Variants in WDR33 observed in about 807,000 individuals in gnomAD.
WDR33 encodes pre-mRNA 3' end processing protein WDR33.
In WDR33, 47 loss-of-function variants were observed where a neutral mutation model predicts 164.9. That is an observed-to-expected ratio of 0.29 (90% CI 0.23 to 0.36). The LOEUF is 0.36. WDR33 is among the 10% of genes least tolerant of loss of function. The probability of loss-of-function intolerance (pLI) is 1.00; values close to 1 mark genes in which losing one functional copy is unlikely to be tolerated. For synonymous variants in WDR33, 505 were observed against 589.0 expected (o/e 0.86, Z 2.06); for missense variants, 1,137 against 1,754.1 (o/e 0.65, Z 6.28).
In WDR33 at chr2:127,763,057, C is replaced by T. The variant is rs1212895206; in HGVS notation, c.724+5G>A. On this transcript the variant is annotated splice_donor_5th_base_variant and intron_variant, in intron 7 of 21. Transcript: ENST00000322313. This position sits in a 1 kb window ranked among gnomAD's most constrained non-coding sequence, Gnocchi z 4.5. Reference sequence around the variant, plus strand: ...TATTCCAATCAGTACTGTTAGTACACGTACCTCGGAGAATTCTTTCCTCAT... The same window carrying T: ...TATTCCAATCAGTACTGTTAGTACATGTACCTCGGAGAATTCTTTCCTCAT... 3 of 1,613,814 alleles carry T rather than the reference C, an allele frequency of 1.9e-6. No individual in the cohort carries two copies. The highest frequency in any genetic ancestry group is 1.7e-5 in the Admixed American group (1 of 59,994).
intron 1 of WDR33, among the ~76,000 whole-genome samples, chr2:127,800,094 G>T (rs1432697733): frequency 6.6e-6 from 1 of 152,160 alleles, no homozygotes; most frequent in East Asian, 1.9e-4. Flanking sequence ...AAATAGTCAA[G>T]AATTTCCTCA....
rs1331698430 is a variant in WDR33, at chr2:127,712,411, A to G, written c.3308+1172T>C. 6.6e-6 allele frequency among the ~76,000 whole-genome samples: 1 copy of G among 152,088 alleles called. No homozygotes were observed. The highest frequency in any genetic ancestry group is 1.9e-4 in the East Asian group (1 of 5,152). On this transcript the variant is annotated intron_variant, in intron 18 of 21. Coordinates refer to ENST00000322313, the MANE Select transcript of WDR33 (RefSeq NM_018383.5). This position sits in a 1 kb window ranked among gnomAD's most constrained non-coding sequence, Gnocchi z 4.0. ...CTCCGTCTCAAGAAGAAAAAAAAAA[A>G]AAAAGAAATGGGATGAAAGGACACG...
At chr2:127,733,759 G>C (rs1451678083) in intron 7 of WDR33, among the ~76,000 whole-genome samples, 1 of 152,162 alleles carries the variant, frequency 6.6e-6, no homozygotes, top group African/African-American at 2.4e-5. Context: ...TGGCCCTAAA[G>C]AAAGTGTCCC....
chr2:127,747,580 G>A (rs1687202060), intron 7 of WDR33, among the ~76,000 whole-genome samples: 1 of 152,138 alleles, frequency 6.6e-6, no homozygotes, highest in Non-Finnish European at 1.5e-5. Flanking sequence ...TATTTCTATG[G>A]GAAAATTCTA....
chr2:127,801,404 G>A (rs2104679903), intron 1 of WDR33, among the ~76,000 whole-genome samples: 1 of 152,138 alleles, frequency 6.6e-6, no homozygotes. Context: ...GCTCACACCT[G>A]TAATCCTAGC....
intron 1 of WDR33, among the ~76,000 whole-genome samples, chr2:127,787,092 A>G (rs1261468718): frequency 1.0e-5 from 1 of 97,522 alleles, no homozygotes; most frequent in Non-Finnish European, 2.0e-5. Flanking sequence ...GCATCTGTTT[A>G]ACAAAGCACA....
intron 1 of WDR33, among the ~76,000 whole-genome samples, chr2:127,777,719 T>G (rs1688231457): frequency 6.6e-6 from 1 of 152,120 alleles, no homozygotes; most frequent in Non-Finnish European, 1.5e-5. Flanking sequence ...CAAGTGATTC[T>G]CCTGTCTCAG....
At chr2:127,747,516 G>A (rs1381947213) in intron 7 of WDR33, among the ~76,000 whole-genome samples, 4 of 151,778 alleles carry the variant, frequency 2.6e-5, no homozygotes, top group South Asian at 2.1e-4. Flanking sequence ...AGCACTCAAC[G>A]TTAGCATAAA....
At chr2:127,737,521 A>G in intron 7 of WDR33, 1 of 986,220 alleles carries the variant, frequency 1.0e-6, no homozygotes, top group East Asian at 1.1e-4. Flanking sequence ...AAGAAAAAGA[A>G]AAGACATTCA....
intron 7 of WDR33, among the ~76,000 whole-genome samples, chr2:127,756,814 GCT>G (rs1687534703): frequency 6.6e-6 from 1 of 152,168 alleles, no homozygotes; most frequent in Non-Finnish European, 1.5e-5. Flanking sequence ...AGGCATGGTG[GCT>G]TATGCCTGTA....
intron 1 of WDR33, among the ~76,000 whole-genome samples, chr2:127,802,041 T>C (rs1314300693): frequency 1.3e-5 from 2 of 150,982 alleles, no homozygotes; most frequent in African/African-American, 4.9e-5. Flanking sequence ...ATTAGCCAGG[T>C]GTGGTGGCAT....
chr2:127,706,279 T>C lies in WDR33; in HGVS notation c.*44A>G, dbSNP rs919794199. The C allele has an allele frequency of 4.7e-6, 7 of 1,476,476 alleles. No individual in the cohort carries two copies. The African/African-American group carries it at 8.6e-5, about 18-fold the overall frequency. 91.5% of individuals were successfully genotyped at this position (1,476,476 alleles called of 1,614,324 possible). ...CTCTTGGTGAGTCCACAAGAAGTTCTTACATACTGTCCAGAGAGGCCTCAG... is the reference window on the plus strand; with the variant it reads ...CTCTTGGTGAGTCCACAAGAAGTTCCTACATACTGTCCAGAGAGGCCTCAG... On this transcript the variant is annotated 3_prime_UTR_variant, in exon 22 of 22. Coordinates refer to ENST00000322313, the MANE Select transcript of WDR33 (RefSeq NM_018383.5). The surrounding 1 kb of genome is among the most constrained non-coding windows in gnomAD (Gnocchi z 5.1).
At chr2:127,761,935 T>C (rs1687691663) in intron 7 of WDR33, among the ~76,000 whole-genome samples, 1 of 152,186 alleles carries the variant, frequency 6.6e-6, no homozygotes, top group South Asian at 2.1e-4. Context: ...TGATGGAAGA[T>C]ACTGGCTTGA....
At chr2:127,760,299 G>C (rs896495976) in intron 7 of WDR33, among the ~76,000 whole-genome samples, 4 of 152,138 alleles carry the variant, frequency 2.6e-5, no homozygotes, top group African/African-American at 9.7e-5. Context: ...GTAATGACTT[G>C]ATACACAACA....
At chr2:127,737,136 A>G (rs1251815060) in intron 7 of WDR33, 3 of 985,450 alleles carry the variant, frequency 3.0e-6, no homozygotes, top group Non-Finnish European at 3.6e-6. Flanking sequence ...ACATTTTTTT[A>G]AAGGCTACTT....
rs1215681148 is a variant in WDR33, at chr2:127,713,173, GTTAAGATTATTGGGCAA to G, written c.3308+393_3308+409del. ...GAAGACTGTTTTTCAGTTTAAGTTT[GTTAAGATTATTGGGCAA>G]TTACACAAAAATTGTATCTATTTCA... On this transcript the variant is annotated intron_variant, in intron 18 of 21. Coordinates refer to ENST00000322313, the MANE Select transcript of WDR33 (RefSeq NM_018383.5). This position sits in a 1 kb window ranked among gnomAD's most constrained non-coding sequence, Gnocchi z 6.2. 9.2e-5 allele frequency among the ~76,000 whole-genome samples: 14 copies of G among 152,270 alleles called. No homozygotes were observed. Among genetic ancestry groups the G allele is most frequent in the Non-Finnish European group, 1.9e-4 (13 of 68,022 alleles).
rs141692851 is a variant in WDR33 at position 127,747,862 on chromosome 2, G to A, written c.724+15200C>T. Among the ~76,000 whole-genome samples, 1,294 of 152,308 alleles carry A rather than the reference G, an allele frequency of 8.5e-3. 8 individuals are homozygous for A. Among genetic ancestry groups the A allele is most frequent in the Non-Finnish European group, 0.015 (1,008 of 68,022 alleles). On this transcript the variant is annotated intron_variant, in intron 7 of 21. Coordinates refer to ENST00000322313, the MANE Select transcript of WDR33 (RefSeq NM_018383.5). ...CCTGACCTCTGAGAACTAATCTGAT[G>A]TTCAAGCTAAGCCTTGGTGTTACTA...
chr2:127,701,171 T>A lies in WDR33; in HGVS notation c.*5152A>T, dbSNP rs190082856. On this transcript the variant is annotated 3_prime_UTR_variant, in exon 22 of 22. Transcript: ENST00000322313. ...CGCCACGGTAGACGCAGTGAGGCCA[T>A]AAGACATTTCCGTCAGCAAAAGGGT... The A allele has an allele frequency of 1.5e-3, 263 of 181,156 alleles. 2 individuals carry two copies. Among genetic ancestry groups the A allele is most frequent in the African/African-American group, 5.5e-3 (235 of 42,720 alleles). The allele number at this position is 181,156 out of a possible 1,614,324, so 11.2% of individuals were successfully genotyped here.
Position 127,741,917 on chromosome 2 carries a change from C to G in WDR33, c.725-15140G>C, listed in dbSNP as rs1466072264. ...ATGCAGTTGATAAAAATAACACTTT[C>G]CGGCTGGGCACGGTGGCTCACACCT... On this transcript the variant is annotated intron_variant, in intron 7 of 21. Coordinates refer to ENST00000322313, the MANE Select transcript of WDR33 (RefSeq NM_018383.5). The surrounding 1 kb of genome is among the most constrained non-coding windows in gnomAD (Gnocchi z 4.1). Among the ~76,000 whole-genome samples, 1 of 152,190 alleles carries G rather than the reference C, an allele frequency of 6.6e-6. No individual in the cohort carries two copies. The highest frequency in any genetic ancestry group is 2.4e-5 in the African/African-American group (1 of 41,528).
Sources: allele counts gnomAD v4.1 joint callset (sites outside exome capture counted in the v4.1 genomes callset), GRCh38; gene constraint gnomAD v4.1.1; non-coding constraint Gnocchi (gnomAD v3.1); transcripts MANE v1.5; gene names NCBI Gene and HGNC (gene_info 2026-07-23, HGNC 2026-07-21).